SCAPER: variants seen among roughly 807,000 people sequenced by gnomAD.
SCAPER encodes the protein S phase cyclin A-associated protein in the endoplasmic reticulum.
In SCAPER, 98 loss-of-function variants were observed where a neutral mutation model predicts 182.2. The ratio of observed to expected loss-of-function variants is 0.54; its 90% CI spans 0.46 to 0.64. SCAPER has a LOEUF of 0.64. Ranked by LOEUF, SCAPER falls within the 30% of genes least tolerant of loss-of-function variation. SCAPER has a pLI of 0.00. For synonymous variants in SCAPER, 605 were observed against 564.6 expected (o/e 1.07, Z -1.01); for missense variants, 1,432 against 1,690.0 (o/e 0.85, Z 2.68).
At chr15:76,724,943 G>A (rs140918971) in intron 17 of SCAPER, among the ~76,000 whole-genome samples, 20 of 152,114 alleles carry the variant, frequency 1.3e-4, no homozygotes, top group African/African-American at 3.4e-4. Context: ...GTCATTCTCC[G>A]TCCAGCTTTG....
chr15:76,874,328 A>G (rs990308712), intron 2 of SCAPER, among the ~76,000 whole-genome samples: 15 of 152,222 alleles, frequency 9.9e-5, no homozygotes, highest in Non-Finnish European at 2.2e-4. Context: ...GCATAGCTTT[A>G]AAGGATATGT....
At chr15:76,772,809 T>C (rs953573060) in intron 9 of SCAPER, among the ~76,000 whole-genome samples, 6 of 151,890 alleles carry the variant, frequency 4.0e-5, no homozygotes, top group African/African-American at 1.2e-4. Flanking sequence ...TTTCCAATGA[T>C]ACTCTAAGTC....
At chr15:76,793,479 G>T (rs571802033) in intron 8 of SCAPER, 2 of 506,882 alleles carry the variant, frequency 3.9e-6, no homozygotes, top group Non-Finnish European at 7.0e-6. Context: ...AGGAGCTGAA[G>T]GTTAGGTTGC....
At position 76,717,527 on chromosome 15, in the gene SCAPER, C is replaced by T. The variant is rs184622700; in HGVS notation, c.2165+11068G>A. On this transcript the variant is annotated intron_variant, in intron 17 of 31. Transcript: ENST00000563290. ...AAGATGAATATTTTGACATCAAAAA[C>T]GTAACTTGTGGGATGGACAGTAAAA... 8.0e-4 allele frequency among the ~76,000 whole-genome samples: 122 copies of T among 152,144 alleles called. 1 individual carries two copies. The highest frequency in any genetic ancestry group is 2.2e-3 in the African/African-American group (93 of 41,524).
chr15:76,498,881 A>G (rs1373074535), intron 24 of SCAPER, among the ~76,000 whole-genome samples: 1 of 152,186 alleles, frequency 6.6e-6, no homozygotes, highest in Non-Finnish European at 1.5e-5. Flanking sequence ...ATATTTGATG[A>G]GTATTGCTTG....
At chr15:76,504,242 C>T (rs1036802130) in intron 24 of SCAPER, among the ~76,000 whole-genome samples, 3 of 152,054 alleles carry the variant, frequency 2.0e-5, no homozygotes, top group Non-Finnish European at 2.9e-5. Flanking sequence ...AGAGTCTCCA[C>T]AAAATACCCA....
At chr15:76,389,723 C>T (rs1252891117) in intron 27 of SCAPER, among the ~76,000 whole-genome samples, 2 of 144,458 alleles carry the variant, frequency 1.4e-5, no homozygotes, top group African/African-American at 5.2e-5. Context: ...GGGGCTAAGG[C>T]AGGAGAATGG....
chr15:76,635,719 A>T (rs1237552734), intron 21 of SCAPER, among the ~76,000 whole-genome samples: 1 of 151,440 alleles, frequency 6.6e-6, no homozygotes, highest in Admixed American at 6.6e-5. Flanking sequence ...CCTTTACCAG[A>T]TTAAGAAAGT....
intron 26 of SCAPER, among the ~76,000 whole-genome samples, chr15:76,405,967 C>T (rs2044798693): frequency 6.6e-6 from 1 of 152,236 alleles, no homozygotes; most frequent in East Asian, 1.9e-4. Context: ...CTCCTTTCAT[C>T]TTTTACATTA....
chr15:76,410,031 G>A (rs976703825), intron 26 of SCAPER, among the ~76,000 whole-genome samples: 1 of 151,270 alleles, frequency 6.6e-6, no homozygotes, highest in African/African-American at 2.4e-5. Flanking sequence ...GGACTCAAGC[G>A]AGCTGCCCTC....
At chr15:76,895,188 A>C (rs1297867480) in intron 1 of SCAPER, among the ~76,000 whole-genome samples, 1 of 152,244 alleles carries the variant, frequency 6.6e-6, no homozygotes, top group African/African-American at 2.4e-5. Flanking sequence ...CACTATGATC[A>C]GGTAGGAATT....
chr15:76,422,861 G>C (rs991578134), intron 26 of SCAPER, among the ~76,000 whole-genome samples: 5 of 152,170 alleles, frequency 3.3e-5, no homozygotes, highest in African/African-American at 1.2e-4. Context: ...GGCCTTTTCT[G>C]CATCTGTTGA....
Position 76,471,370 on chromosome 15 carries a change from C to T in SCAPER, c.2955-35G>A, listed in dbSNP as rs754249370. 56 of 1,573,602 alleles carry T rather than the reference C, an allele frequency of 3.6e-5. 1 individual carries two copies. The highest frequency in any genetic ancestry group is 3.2e-4 in the South Asian group (27 of 84,784). On this transcript the variant is annotated intron_variant, in intron 24 of 31. Coordinates refer to ENST00000563290, the MANE Select transcript of SCAPER (RefSeq NM_020843.4). ...GGAGAAAAACACCATTTATAAAACC[C>T]GAGCAGCTCTTCTTTAAACAATTAA...
chr15:76,636,300 T>A (rs1597838746), intron 21 of SCAPER, among the ~76,000 whole-genome samples: 1 of 152,178 alleles, frequency 6.6e-6, no homozygotes, highest in Non-Finnish European at 1.5e-5. Flanking sequence ...ATCCCTTATA[T>A]GTGAAGCTTT....
chr15:76,478,310 T>C (rs1419076784), intron 24 of SCAPER, among the ~76,000 whole-genome samples: 1 of 152,070 alleles, frequency 6.6e-6, no homozygotes, highest in Non-Finnish European at 1.5e-5. Context: ...ATATGACAAA[T>C]GGTTAATACA....
chr15:76,765,007 T>C lies in SCAPER; in HGVS notation c.1679A>G (p.Lys560Arg), dbSNP rs780657820. The C allele has an allele frequency of 6.2e-7, 1 of 1,603,422 alleles. No individual in the cohort carries two copies. ...KQMKAQQLRE[K>R]LREEKTLKLQ... ...CTTCAATGTTTTCTCTTCGCGTAAC[T>C]TTTCCCTTAGCTGCTGTGCTTTCAT... The change falls in exon 14 of 32, where the codon AAG becomes AGG. Residue 560 changes from lysine to arginine, a missense_variant. Lys to Arg is a conservative substitution (Grantham distance 26, BLOSUM62 2). This residue lies in a region of SCAPER where 128 missense variants were observed against 149.9 expected (regional missense o/e 0.85). Transcript: ENST00000563290.
At chr15:76,538,719 TAA>T (rs2044439065) in intron 23 of SCAPER, among the ~76,000 whole-genome samples, 1 of 18,964 alleles carries the variant, frequency 5.3e-5, no homozygotes, top group Non-Finnish European at 1.6e-4. Context: ...AGTATAATAA[TAA>T]TTAAAAAAAA....
intron 17 of SCAPER, among the ~76,000 whole-genome samples, chr15:76,718,123 C>A (rs1045353225): frequency 2.6e-5 from 4 of 152,010 alleles, no homozygotes; most frequent in Admixed American, 6.6e-5. Flanking sequence ...TAAAATGAAT[C>A]CTGAAAATTT....
intron 21 of SCAPER, among the ~76,000 whole-genome samples, chr15:76,638,815 T>C (rs1386358696): frequency 6.6e-6 from 1 of 152,210 alleles, no homozygotes; most frequent in African/African-American, 2.4e-5. Context: ...AAAATATTCC[T>C]AGTGTGGTTC....
Sources: gnomAD v4.1 joint callset for allele counts (sites outside exome capture counted in the v4.1 genomes callset) on GRCh38, gnomAD v4.1.1 for gene constraint, gnomAD v4.1.1 regional missense constraint, MANE v1.5 for transcripts, NCBI Gene and HGNC (gene_info 2026-07-23, HGNC 2026-07-21) for gene names.